The following GPHN variants were observed in gnomAD, a reference collection of about 807,000 sequenced individuals.
GPHN encodes the protein gephyrin.
GPHN carries 17 observed loss-of-function variants against 95.5 expected under a neutral mutation model. The ratio of observed to expected loss-of-function variants is 0.18; its 90% CI spans 0.12 to 0.27. The LOEUF is 0.27. Ranked by LOEUF, GPHN falls within the 10% of genes least tolerant of loss-of-function variation. The probability of loss-of-function intolerance (pLI) is 1.00; values close to 1 mark genes in which losing one functional copy is unlikely to be tolerated. For synonymous variants in GPHN, 320 were observed against 322.5 expected, an observed-to-expected ratio of 0.99 and a Z score of 0.08; for missense variants, 660 against 978.1, an observed-to-expected ratio of 0.67 and a Z score of 4.34.
the GPHN span, among the ~76,000 whole-genome samples, chr14:67,192,523 C>T: frequency 4.0e-5 from 6 of 151,652 alleles, no homozygotes; most frequent in East Asian, 1.9e-4. Context: ...CTACTGTGCC[C>T]GCACACCGAG....
At chr14:67,316,127 G>A in the GPHN span, among the ~76,000 whole-genome samples, 2 of 152,148 alleles carry the variant, frequency 1.3e-5, no homozygotes, top group African/African-American at 4.8e-5. Flanking sequence ...GAACCTCAAC[G>A]TAATTCAGAA....
chr14:66,894,428 A>T (rs896540729), intron 5 of GPHN, among the ~76,000 whole-genome samples: 43 of 152,214 alleles, frequency 2.8e-4, no homozygotes, highest in African/African-American at 9.9e-4. Flanking sequence ...AACCTAGGCA[A>T]TACCATTCAG....
intron 2 of GPHN, among the ~76,000 whole-genome samples, chr14:66,720,678 A>G (rs933119992): frequency 1.3e-5 from 2 of 152,194 alleles, no homozygotes; most frequent in African/African-American, 4.8e-5. Flanking sequence ...GTAGAGAGAA[A>G]AAGTAATTAT....
chr14:67,553,304 C>T, the GPHN span, among the ~76,000 whole-genome samples: 1 of 152,080 alleles, frequency 6.6e-6, no homozygotes, highest in Non-Finnish European at 1.5e-5. Context: ...CCTTCCCGTT[C>T]AGTATTTCAT....
chr14:67,001,758 A>C (rs2072245826), intron 9 of GPHN, among the ~76,000 whole-genome samples: 1 of 151,758 alleles, frequency 6.6e-6, no homozygotes, highest in Non-Finnish European at 1.5e-5. Flanking sequence ...AGCTTTCTAT[A>C]CATTACAGAG....
intron 2 of GPHN, among the ~76,000 whole-genome samples, chr14:66,684,062 A>G (rs1014875842): frequency 6.6e-6 from 1 of 152,280 alleles, no homozygotes; most frequent in East Asian, 1.9e-4. Flanking sequence ...AATTGTATAC[A>G]TGTCATTTTA....
chr14:67,419,672 A>T, the GPHN span, among the ~76,000 whole-genome samples: 3 of 152,090 alleles, frequency 2.0e-5, no homozygotes, highest in Non-Finnish European at 4.4e-5. Context: ...ACCACGGTGA[A>T]ACCCCGTCTC....
At chr14:67,582,031 C>T in the GPHN span, 3 of 1,584,926 alleles carry the variant, frequency 1.9e-6, no homozygotes, top group Non-Finnish European at 2.6e-6. The surrounding 1 kb of genome is among the most constrained non-coding windows in gnomAD (Gnocchi z 5.0). Flanking sequence ...TGTTTGGAAT[C>T]CCTGCTGAGT....
chr14:66,520,451 G>A (rs1468151856), intron 1 of GPHN, among the ~76,000 whole-genome samples: 6 of 152,124 alleles, frequency 3.9e-5, no homozygotes, highest in Non-Finnish European at 5.9e-5. Flanking sequence ...CTTAAGTGAA[G>A]AGGGAAACTT....
chr14:67,076,246 ATAAAG>A (rs556223692), intron 11 of GPHN, among the ~76,000 whole-genome samples: 153 of 152,320 alleles, frequency 1.0e-3, no homozygotes, highest in Non-Finnish European at 1.8e-3. Flanking sequence ...TTTTTTAGCA[ATAAAG>A]TATTTTTTAA....
At chr14:67,552,252 T>A in the GPHN span, among the ~76,000 whole-genome samples, 2 of 152,268 alleles carry the variant, frequency 1.3e-5, no homozygotes, top group East Asian at 3.9e-4. Context: ...GAGGACATGG[T>A]CCTAGAGGAC....
chr14:66,993,662 C>T (rs1362331839), intron 9 of GPHN, among the ~76,000 whole-genome samples: 1 of 152,030 alleles, frequency 6.6e-6, no homozygotes, highest in East Asian at 1.9e-4. Flanking sequence ...AATCAGCTAA[C>T]TTTGAGTGGG....
At chr14:67,122,631 T>C (rs2079077185) in intron 17 of GPHN, among the ~76,000 whole-genome samples, 1 of 152,220 alleles carries the variant, frequency 6.6e-6, no homozygotes, top group African/African-American at 2.4e-5. Context: ...GTTTTTGTAA[T>C]AGTTTTGGTT....
the GPHN span, chr14:67,221,987 G>A: frequency 1.5e-6 from 1 of 683,554 alleles, no homozygotes; most frequent in African/African-American, 1.8e-5. Context: ...CTTTCTCAAA[G>A]CCGATCCTCA....
At chr14:66,920,440 C>G (rs1596373393) in intron 6 of GPHN, among the ~76,000 whole-genome samples, 2 of 151,934 alleles carry the variant, frequency 1.3e-5, no homozygotes, top group Non-Finnish European at 2.9e-5. Context: ...AACTCTTGGG[C>G]TTCTTTCCTA....
chr14:66,576,487 T>A (rs1163674674), intron 1 of GPHN, among the ~76,000 whole-genome samples: 3 of 151,826 alleles, frequency 2.0e-5, no homozygotes, highest in Non-Finnish European at 4.4e-5. Context: ...CTCTGTACTT[T>A]TTTTTTTAAA....
chr14:66,609,400 G>A (rs1426355335), intron 1 of GPHN, among the ~76,000 whole-genome samples: 1 of 152,090 alleles, frequency 6.6e-6, no homozygotes, highest in Non-Finnish European at 1.5e-5. Context: ...CGGCCTTGGT[G>A]AATCTGATGT....
chr14:66,998,492 A>T (rs1002876995), intron 9 of GPHN, among the ~76,000 whole-genome samples: 5 of 152,150 alleles, frequency 3.3e-5, no homozygotes, highest in African/African-American at 1.2e-4. Context: ...TAATAATTAA[A>T]ATTTCAAGGA....
chr14:67,706,366 A>T, the GPHN span: 1 of 152,254 alleles, frequency 6.6e-6, no homozygotes, highest in Non-Finnish European at 1.5e-5. Flanking sequence ...TTTATTTTCC[A>T]AGGTTGAGGA....
Sources: gnomAD v4.1 joint callset for allele counts (sites outside exome capture counted in the v4.1 genomes callset) on GRCh38, gnomAD v4.1.1 for gene constraint, Gnocchi (gnomAD v3.1) non-coding constraint, MANE v1.5 for transcripts, NCBI Gene and HGNC (gene_info 2026-07-23, HGNC 2026-07-21) for gene names.